The following NKAIN2 variants were observed in gnomAD, a reference collection of about 807,000 sequenced individuals.
NKAIN2 encodes sodium/potassium transporting ATPase interacting 2, also known as sodium/potassium-transporting ATPase subunit beta-1-interacting protein 2.
Under a neutral mutation model 32.6 loss-of-function variants are expected in NKAIN2, and 14 were observed. The observed-to-expected ratio is 0.43, with a 90% CI of 0.28 to 0.67. The LOEUF (loss-of-function observed/expected upper bound fraction) is 0.67. Among genes scored for constraint, NKAIN2 ranks in the 30% least tolerant of loss-of-function variants. The pLI is 0.17. For synonymous variants in NKAIN2, 80 were observed against 87.2 expected, an observed-to-expected ratio of 0.92 and a Z score of 0.46; for missense variants, 198 against 258.3, an observed-to-expected ratio of 0.77 and a Z score of 1.60.
intron 2 of NKAIN2, among the ~76,000 whole-genome samples, chr6:124,299,435 C>T (rs942501155): frequency 2.6e-5 from 4 of 152,052 alleles, no homozygotes; most frequent in Admixed American, 6.6e-5. Context: ...TACATTTTCT[C>T]CAAATCGGAT....
At chr6:124,132,402 T>A (rs546938605) in intron 1 of NKAIN2, among the ~76,000 whole-genome samples, 6 of 152,326 alleles carry the variant, frequency 3.9e-5, no homozygotes, top group Non-Finnish European at 7.3e-5. Flanking sequence ...TAAACCAGAA[T>A]ACTTCCCCTG....
chr6:124,117,476 C>T (rs1275356370), intron 1 of NKAIN2, among the ~76,000 whole-genome samples: 2 of 152,074 alleles, frequency 1.3e-5, no homozygotes, highest in Non-Finnish European at 1.5e-5. Flanking sequence ...TTAGTTGCAT[C>T]GGTATAATTC....
intron 1 of NKAIN2, among the ~76,000 whole-genome samples, chr6:124,004,757 G>A (rs1008252151): frequency 6.6e-6 from 1 of 151,584 alleles, no homozygotes; most frequent in Non-Finnish European, 1.5e-5. Context: ...AAATACCTAA[G>A]GTAAATGATG....
intron 1 of NKAIN2, among the ~76,000 whole-genome samples, chr6:124,100,258 T>C (rs957812686): frequency 1.6e-4 from 24 of 152,190 alleles, no homozygotes; most frequent in African/African-American, 5.8e-4. Context: ...AGTAATGAAG[T>C]TAGAAAGTAA....
At position 123,911,785 on chromosome 6, in the gene NKAIN2, A is replaced by ATGTATATATATATATG. The variant is rs565117284; in HGVS notation, c.54+107532_54+107533insGTATATATATATATGT. ...TAGTCGTATATATACATACATACATATATATATATATATATGTATATATAT... is the reference window on the plus strand; with the variant it reads ...TAGTCGTATATATACATACATACATATGTATATATATATATGTATATATATATATATGTATATATAT... On this transcript the variant is annotated intron_variant, in intron 1 of 6. Transcript: ENST00000368417. 6.2e-4 allele frequency among the ~76,000 whole-genome samples: 56 copies of ATGTATATATATATATG among 89,672 alleles called. 1 individual carries two copies. Among genetic ancestry groups the ATGTATATATATATATG allele is most frequent in the East Asian group, 4.6e-3 (16 of 3,504 alleles). 58.8% of individuals were successfully genotyped at this position (89,672 alleles called of 152,430 possible). A position where few individuals can be genotyped will look rare whatever the true frequency, so the allele number is the denominator to read the frequency against.
intron 1 of NKAIN2, among the ~76,000 whole-genome samples, chr6:124,152,891 A>G (rs1373602341): frequency 1.3e-5 from 2 of 151,956 alleles, no homozygotes; most frequent in Non-Finnish European, 2.9e-5. Flanking sequence ...TAAGTGAAAT[A>G]AACTAAGCAG....
chr6:123,825,643 A>G (rs1774116278), intron 1 of NKAIN2, among the ~76,000 whole-genome samples: 1 of 152,126 alleles, frequency 6.6e-6, no homozygotes, highest in African/African-American at 2.4e-5. Flanking sequence ...CCCCAAAGCA[A>G]ATTTTCAGAC....
intron 1 of NKAIN2, among the ~76,000 whole-genome samples, chr6:124,049,233 T>G (rs1485983845): frequency 6.6e-6 from 1 of 152,096 alleles, no homozygotes; most frequent in Admixed American, 6.6e-5. Flanking sequence ...TAGCCTTGTT[T>G]CTAGCATATA....
chr6:124,739,897 G>A (rs1053396835), intron 4 of NKAIN2, among the ~76,000 whole-genome samples: 1 of 151,826 alleles, frequency 6.6e-6, no homozygotes, highest in East Asian at 2.0e-4. Context: ...GTTCTGGCAG[G>A]GGGAAGGTAG....
At chr6:124,027,005 TC>T (rs1781140778) in intron 1 of NKAIN2, among the ~76,000 whole-genome samples, 1 of 152,074 alleles carries the variant, frequency 6.6e-6, no homozygotes, top group African/African-American at 2.4e-5. Context: ...TCCCTGGGGC[TC>T]CCTCCTACTT....
At chr6:124,116,474 T>A (rs1001402082) in intron 1 of NKAIN2, among the ~76,000 whole-genome samples, 9 of 152,186 alleles carry the variant, frequency 5.9e-5, no homozygotes, top group Non-Finnish European at 1.3e-4. Context: ...ATGGTAATAA[T>A]TCTTTATCAT....
At chr6:123,879,023 ACT>A (rs761326571) in intron 1 of NKAIN2, among the ~76,000 whole-genome samples, 8 of 152,016 alleles carry the variant, frequency 5.3e-5, no homozygotes, top group Non-Finnish European at 1.2e-4. Context: ...TTTTTAGAAG[ACT>A]CTGTTTTCTT....
chr6:123,948,013 G>T (rs1777149847), intron 1 of NKAIN2, among the ~76,000 whole-genome samples: 1 of 151,940 alleles, frequency 6.6e-6, no homozygotes, highest in African/African-American at 2.4e-5. Flanking sequence ...AGAACATATG[G>T]TATTTGTCTT....
intron 3 of NKAIN2, among the ~76,000 whole-genome samples, chr6:124,361,882 C>A (rs768095011): frequency 2.6e-5 from 4 of 152,038 alleles, no homozygotes; most frequent in Non-Finnish European, 4.4e-5. Flanking sequence ...TCTTCTGTAA[C>A]AAAATGAATA....
chr6:123,938,481 AATATATAATATATATTT>A (rs1307652231), intron 1 of NKAIN2, among the ~76,000 whole-genome samples: 3 of 134,328 alleles, frequency 2.2e-5, no homozygotes, highest in African/African-American at 5.5e-5. Context: ...TATTATACAT[AATATATAATATATATTT>A]ATATATAATA....
At chr6:124,639,952 A>T (rs1267341599) in intron 3 of NKAIN2, among the ~76,000 whole-genome samples, 2 of 152,132 alleles carry the variant, frequency 1.3e-5, no homozygotes, top group African/African-American at 4.8e-5. Flanking sequence ...CATTTATTGT[A>T]TATTTTCAAA....
chr6:124,497,465 C>T (rs535102938), intron 3 of NKAIN2, among the ~76,000 whole-genome samples: 1 of 152,106 alleles, frequency 6.6e-6, no homozygotes, highest in Non-Finnish European at 1.5e-5. Flanking sequence ...ATGAAAATGC[C>T]ACTTTTAATA....
intron 4 of NKAIN2, among the ~76,000 whole-genome samples, chr6:124,701,153 G>GCGCACACACACACA (rs1554253913): frequency 6.7e-4 from 88 of 132,112 alleles, no homozygotes; most frequent in African/African-American, 2.4e-3. Context: ...ACACACACAC[G>GCGCACACACACACA]CACACACACA....
At chr6:124,468,254 C>A (rs1055519038) in intron 3 of NKAIN2, among the ~76,000 whole-genome samples, 1 of 152,042 alleles carries the variant, frequency 6.6e-6, no homozygotes, top group African/African-American at 2.4e-5. Flanking sequence ...CAGGGTGATA[C>A]ACTTATATTG....
Sources: allele counts gnomAD v4.1 joint callset (sites outside exome capture counted in the v4.1 genomes callset), GRCh38; gene constraint gnomAD v4.1.1; transcripts MANE v1.5; gene names NCBI Gene and HGNC (gene_info 2026-07-23, HGNC 2026-07-21).